NGF: variants seen among roughly 807,000 people sequenced by gnomAD.
NGF encodes nerve growth factor.
NGF carries 4 observed loss-of-function variants against 12.8 expected under a neutral mutation model. The observed-to-expected ratio is 0.31, with a 90% CI of 0.15 to 0.72. The LOEUF (loss-of-function observed/expected upper bound fraction) is 0.72. NGF is among the 30% of genes least tolerant of loss of function. The pLI, the probability that NGF is intolerant of heterozygous loss-of-function variation, is 0.69. For synonymous variants in NGF, 140 were observed against 130.0 expected (o/e 1.08, Z -0.52); for missense variants, 283 against 330.8 (o/e 0.86, Z 1.12).
At chr1:115,304,673 C>T (rs961294364) in intron 1 of NGF, among the ~76,000 whole-genome samples, 1 of 152,098 alleles carries the variant, frequency 6.6e-6, no homozygotes, top group Non-Finnish European at 1.5e-5. Flanking sequence ...TTTCTGACCT[C>T]TCCTCTCAGC....
intron 1 of NGF, among the ~76,000 whole-genome samples, chr1:115,316,295 G>A (rs1654474524): frequency 6.6e-6 from 1 of 152,130 alleles, no homozygotes; most frequent in East Asian, 1.9e-4. Context: ...GGGCTGGCTG[G>A]GAAGAGATCT....
At chr1:115,323,160 C>T (rs998650431) in intron 1 of NGF, among the ~76,000 whole-genome samples, 2 of 152,132 alleles carry the variant, frequency 1.3e-5, no homozygotes, top group Non-Finnish European at 2.9e-5. Flanking sequence ...TTGCTTGTTC[C>T]ATTGTTGCTG....
At chr1:115,330,399 A>G (rs1369696982) in intron 1 of NGF, among the ~76,000 whole-genome samples, 2 of 152,214 alleles carry the variant, frequency 1.3e-5, no homozygotes, top group East Asian at 1.9e-4. Flanking sequence ...TAAAGAAGTC[A>G]TCTGTTCTGA....
intron 1 of NGF, among the ~76,000 whole-genome samples, chr1:115,323,552 T>C (rs1396034248): frequency 6.6e-6 from 1 of 152,208 alleles, no homozygotes; most frequent in East Asian, 1.9e-4. Context: ...CAGGCAGCTA[T>C]GAGACTACAT....
chr1:115,289,817 C>A (rs1653627475), intron 2 of NGF, among the ~76,000 whole-genome samples: 1 of 152,152 alleles, frequency 6.6e-6, no homozygotes, highest in Non-Finnish European at 1.5e-5. Flanking sequence ...CATCCACTAG[C>A]TCCATACCTC....
chr1:115,315,489 C>G (rs1654451769), intron 1 of NGF, among the ~76,000 whole-genome samples: 1 of 152,034 alleles, frequency 6.6e-6, no homozygotes, highest in South Asian at 2.1e-4. Context: ...TGACGCCAAG[C>G]TTTTTGGCAC....
chr1:115,300,377 G>C (rs1007831954), intron 1 of NGF, among the ~76,000 whole-genome samples: 1 of 152,156 alleles, frequency 6.6e-6, no homozygotes, highest in Non-Finnish European at 1.5e-5. Context: ...GTAAGGATTC[G>C]AGTAAAATGC....
chr1:115,304,329 A>ATTTTTTTTTTTTTTTTTT (rs58345237), intron 1 of NGF, among the ~76,000 whole-genome samples: 1,021 of 80,662 alleles, frequency 0.013, 177 homozygotes, highest in Admixed American at 0.018. Context: ...TGCTTGGCTA[A>ATTTTTTTTTTTTTTTTTT]TTTTTTTTTT....
chr1:115,316,742 A>G (rs965483441), intron 1 of NGF, among the ~76,000 whole-genome samples: 6 of 152,222 alleles, frequency 3.9e-5, no homozygotes, highest in African/African-American at 1.4e-4. Context: ...TAAAATTTAG[A>G]CCAATTGAAA....
intron 1 of NGF, among the ~76,000 whole-genome samples, chr1:115,297,186 G>C (rs1653899356): frequency 6.6e-6 from 1 of 152,180 alleles, no homozygotes; most frequent in African/African-American, 2.4e-5. Context: ...CAGAAACTGG[G>C]AATGAAACAC....
At chr1:115,327,666 C>A (rs561556764) in intron 1 of NGF, among the ~76,000 whole-genome samples, 14 of 152,178 alleles carry the variant, frequency 9.2e-5, no homozygotes, top group Non-Finnish European at 1.9e-4. Flanking sequence ...TACACTCTCC[C>A]CGCCACCTTT....
chr1:115,288,421 G>T (rs187690279), intron 2 of NGF, among the ~76,000 whole-genome samples: 1 of 152,318 alleles, frequency 6.6e-6, no homozygotes, highest in Admixed American at 6.5e-5. Context: ...GATGAAGTAG[G>T]TTCTCACAAA....
At chr1:115,332,645 C>CTTCCCACT (rs545463187) in intron 1 of NGF, among the ~76,000 whole-genome samples, 176 of 152,274 alleles carry the variant, frequency 1.2e-3, no homozygotes, top group African/African-American at 4.1e-3. Context: ...TTGCCTATGC[C>CTTCCCACT]TTCCCACTTA....
chr1:115,302,047 G>A (rs1654052398), intron 1 of NGF, among the ~76,000 whole-genome samples: 1 of 152,158 alleles, frequency 6.6e-6, no homozygotes, highest in Non-Finnish European at 1.5e-5. Flanking sequence ...TCTATCCGTG[G>A]GGCTGTCCCA....
chr1:115,333,337 A>G (rs956422033), intron 1 of NGF, among the ~76,000 whole-genome samples: 1 of 152,120 alleles, frequency 6.6e-6, no homozygotes, highest in African/African-American at 2.4e-5. Flanking sequence ...TGGGTGGTTC[A>G]TTCCCACTGA....
chr1:115,308,364 A>C (rs1654254510), intron 1 of NGF, among the ~76,000 whole-genome samples: 1 of 152,246 alleles, frequency 6.6e-6, no homozygotes, highest in South Asian at 2.1e-4. Context: ...AAGGCAAACC[A>C]GGAAGGTGAG....
chr1:115,304,175 G>A (rs1040839218), intron 1 of NGF, among the ~76,000 whole-genome samples: 1 of 151,562 alleles, frequency 6.6e-6, no homozygotes, highest in African/African-American at 2.4e-5. Context: ...ACACACACAA[G>A]TATTTTTTTT....
chr1:115,296,332 G>A (rs561237626), intron 1 of NGF, among the ~76,000 whole-genome samples: 24 of 152,296 alleles, frequency 1.6e-4, no homozygotes, highest in East Asian at 5.8e-4. Flanking sequence ...AAAAGCCTCC[G>A]CTTTTAATCA....
rs149604962 is a variant in NGF, at chr1:115,306,882, C to A, written c.-136-13132G>T. ...GACACATCAGAAGGGCACACCATGG[C>A]CATTAATTATGCAGTTTGGCCCTAT... On this transcript the variant is annotated intron_variant, in intron 1 of 2. Transcript: ENST00000369512. 1.9e-4 allele frequency among the ~76,000 whole-genome samples: 29 copies of A among 152,310 alleles called. No individual in the cohort carries two copies. The East Asian group carries it at 3.5e-3, about 18-fold the overall frequency.
Sources: allele counts gnomAD v4.1 joint callset (sites outside exome capture counted in the v4.1 genomes callset), GRCh38; gene constraint gnomAD v4.1.1; transcripts MANE v1.5; gene names NCBI Gene and HGNC (gene_info 2026-07-23, HGNC 2026-07-21).